The following ERAP1 variants were observed in gnomAD, a reference collection of about 807,000 sequenced individuals.
ERAP1 encodes the protein adipocyte-derived leucine aminopeptidase.
A neutral mutation model predicts 103.7 loss-of-function variants in ERAP1; 86 were observed. The ratio of observed to expected loss-of-function variants is 0.83; its 90% confidence interval spans 0.70 to 0.99. The LOEUF is 0.99. ERAP1 is among the 50% of genes least tolerant of loss of function. The probability of loss-of-function intolerance (pLI) is 0.00; values close to 1 mark genes in which losing one functional copy is unlikely to be tolerated. For synonymous variants in ERAP1, 398 were observed against 402.4 expected (o/e 0.99, Z 0.13); for missense variants, 1,009 against 1,128.4 (o/e 0.89, Z 1.52).
chr5:96,907,098 A>AAAGGT, the ERAP1 span, among the ~76,000 whole-genome samples: 3 of 152,328 alleles, frequency 2.0e-5, 1 homozygote, highest in South Asian at 6.2e-4. Context: ...GTTATTTCTC[A>AAAGGT]AAGGTACAAT....
the ERAP1 span, chr5:96,934,476 GA>G: frequency 2.0e-5 from 3 of 152,256 alleles, no homozygotes; most frequent in Non-Finnish European, 4.4e-5. Context: ...GGAACAGCAT[GA>G]AGGCCTTTGT....
chr5:96,814,633 C>T, the ERAP1 span, among the ~76,000 whole-genome samples: 1 of 151,958 alleles, frequency 6.6e-6, no homozygotes, highest in African/African-American at 2.4e-5. Context: ...AGCTTTTTTC[C>T]TGATGGAAAA....
chr5:96,927,112 C>A, the ERAP1 span, among the ~76,000 whole-genome samples: 1 of 152,174 alleles, frequency 6.6e-6, no homozygotes, highest in Non-Finnish European at 1.5e-5. Flanking sequence ...CCACCACACC[C>A]AGTCTATGTA....
At chr5:96,769,599 C>T (rs1235070400), downstream of ERAP1, 3 of 151,956 alleles carry the variant, frequency 2.0e-5, no homozygotes, top group South Asian at 4.1e-4. Context: ...GTGACAAAAG[C>T]AGCTAAAATC....
chr5:96,870,332 G>T, the ERAP1 span, among the ~76,000 whole-genome samples: 23,447 of 152,160 alleles, frequency 0.15, 2,289 homozygotes, highest in Middle Eastern at 0.31. Flanking sequence ...AATCATGTCT[G>T]AACACAGGCA....
the ERAP1 span, among the ~76,000 whole-genome samples, chr5:96,886,151 C>T: frequency 6.6e-6 from 1 of 152,196 alleles, no homozygotes; most frequent in Non-Finnish European, 1.5e-5. Flanking sequence ...TCTCTGTTTC[C>T]TCACCTGAGA....
chr5:96,855,840 TC>T, the ERAP1 span, among the ~76,000 whole-genome samples: 27 of 152,300 alleles, frequency 1.8e-4, no homozygotes, highest in African/African-American at 6.5e-4. Flanking sequence ...AAGGGAATTT[TC>T]AGTTCTCAAA....
At chr5:96,851,388 T>C in the ERAP1 span, among the ~76,000 whole-genome samples, 1 of 152,112 alleles carries the variant, frequency 6.6e-6, no homozygotes, top group African/African-American at 2.4e-5. Context: ...AATTTACACA[T>C]TAATTAGATT....
chr5:96,827,730 G>C, the ERAP1 span, among the ~76,000 whole-genome samples: 1 of 152,224 alleles, frequency 6.6e-6, no homozygotes, highest in Admixed American at 6.5e-5. Context: ...TTAAATAGTA[G>C]TTTCCATTTT....
Position 96,774,835 on chromosome 5 carries a change from T to G in ERAP1, c.*1561A>C, listed in dbSNP as rs1354565611. 1.0e-6 allele frequency: 1 copy of G among 985,324 alleles called. No individual in the cohort carries two copies. The allele number at this position is 985,324 out of a possible 1,614,324, so 61.0% of individuals were successfully genotyped here. On this transcript the variant is annotated 3_prime_UTR_variant, in exon 19 of 19. Coordinates refer to ENST00000443439, the MANE Select transcript of ERAP1 (RefSeq NM_001040458.3). ...ATACCTATTTATTTGTTGTAGTGAA[T>G]GGTTTAATAAATGGCAGATTTATGT... is the stretch of plus-strand genomic sequence containing the variant.
In ERAP1 at chr5:96,786,631, A is replaced by C. The variant is rs929628920; in HGVS notation, c.1680-82T>G. The C allele has an allele frequency of 5.4e-6, 5 of 923,682 alleles. No individual in the cohort carries two copies. The African/African-American group carries it at 8.2e-5, about 15-fold the overall frequency. The allele number at this position is 923,682 out of a possible 1,614,324, so 57.2% of individuals were successfully genotyped here. On this transcript the variant is annotated intron_variant, in intron 11 of 18. Coordinates refer to ENST00000443439, the MANE Select transcript of ERAP1 (RefSeq NM_001040458.3). Reference sequence around the variant, plus strand: ...TTAAATCACCTATCATGTGCCAGGCACTGGTTAGTTTAGAACAAGATAGTA... The same window carrying C: ...TTAAATCACCTATCATGTGCCAGGCCCTGGTTAGTTTAGAACAAGATAGTA...
At chr5:96,843,471 G>A in the ERAP1 span, among the ~76,000 whole-genome samples, 1 of 152,240 alleles carries the variant, frequency 6.6e-6, no homozygotes, top group Non-Finnish European at 1.5e-5. Flanking sequence ...TTGGTTGCAG[G>A]AGGGGACCAG....
At chr5:96,916,765 CT>C in the ERAP1 span, among the ~76,000 whole-genome samples, 6,080 of 144,944 alleles carry the variant, frequency 0.042, 681 homozygotes, top group East Asian at 0.41. Context: ...ACCAGCCTAT[CT>C]TTTTTTTTTT....
At chr5:96,887,968 T>C in the ERAP1 span, among the ~76,000 whole-genome samples, 1 of 151,548 alleles carries the variant, frequency 6.6e-6, no homozygotes, top group African/African-American at 2.4e-5. Flanking sequence ...CTACTAAAAA[T>C]ACAAAAATTA....
At chr5:96,769,255 A>G (rs753445349) in intron 19 of ERAP1, 1 of 152,076 alleles carries the variant, frequency 6.6e-6, no homozygotes, top group African/African-American at 2.4e-5. Context: ...TCAGCATCCT[A>G]TCTCTCACCC....
the ERAP1 span, among the ~76,000 whole-genome samples, chr5:96,860,609 A>G: frequency 2.0e-5 from 3 of 152,178 alleles, no homozygotes; most frequent in Non-Finnish European, 2.9e-5. Context: ...ACCTTACTAT[A>G]TTACTGTCTG....
chr5:96,809,555 C>A (rs1168591396), upstream of ERAP1, among the ~76,000 whole-genome samples: 2 of 152,088 alleles, frequency 1.3e-5, no homozygotes, highest in African/African-American at 4.8e-5. Context: ...TTTCATACTG[C>A]CTATTATCTC....
rs2278017 is a variant in ERAP1, at chr5:96,788,593, C to G, written c.1617G>C (p.Gly539=). Residue 539 remains glycine, a synonymous_variant, in exon 11 of 19, where the codon GGG becomes GGC. Transcript: ENST00000443439. The stretch of plus-strand genomic sequence containing the variant: ...GCTCTTGCTTCATGTGTACATTCCT[C>G]CCCCTCACTGTGATGGTTATTAGGG... ...GFPLITITVR[G]RNVHMKQEHY... 5,361 of 1,614,194 alleles carry G rather than the reference C, an allele frequency of 3.3e-3. 268 individuals are homozygous for G. The East Asian group carries it at 0.099, about 30-fold the overall frequency.
chr5:96,815,415 T>TG, the ERAP1 span, among the ~76,000 whole-genome samples: 468 of 142,576 alleles, frequency 3.3e-3, 3 homozygotes, highest in African/African-American at 0.011. Flanking sequence ...TTGTTTTTTA[T>TG]TTTTTTTTTT....
Sources: allele counts gnomAD v4.1 joint callset (sites outside exome capture counted in the v4.1 genomes callset), GRCh38; gene constraint gnomAD v4.1.1; transcripts MANE v1.5; gene names NCBI Gene and HGNC (gene_info 2026-07-23, HGNC 2026-07-21).